The following GPD2 variants were observed in gnomAD, a reference collection of about 807,000 sequenced individuals.
GPD2 encodes the protein glycerol-3-phosphate dehydrogenase, mitochondrial.
In GPD2, 54 loss-of-function variants were observed where a neutral mutation model predicts 82.4. The ratio of observed to expected loss-of-function variants is 0.66; its 90% CI spans 0.53 to 0.82. The LOEUF (loss-of-function observed/expected upper bound fraction) is 0.82, where lower values mean the gene tolerates loss of function less well. Ranked by LOEUF, GPD2 falls within the 40% of genes least tolerant of loss-of-function variation. The pLI is 0.00. For synonymous variants in GPD2, 288 were observed against 306.1 expected (o/e 0.94, Z 0.62); for missense variants, 748 against 896.2 (o/e 0.83, Z 2.11).
chr2:156,535,863 A>C (rs980863640), intron 6 of GPD2, among the ~76,000 whole-genome samples: 3 of 152,200 alleles, frequency 2.0e-5, no homozygotes, highest in South Asian at 2.1e-4. Context: ...TGCCTGGTGC[A>C]TGCTAATTTT....
chr2:156,476,431 C>T (rs1355553033), intron 2 of GPD2, among the ~76,000 whole-genome samples: 1 of 152,132 alleles, frequency 6.6e-6, no homozygotes, highest in Non-Finnish European at 1.5e-5. Flanking sequence ...CATTATTTAG[C>T]CTGTGTTTTG....
At chr2:156,425,095 T>TTG in the GPD2 span, among the ~76,000 whole-genome samples, 47 of 151,658 alleles carry the variant, frequency 3.1e-4, no homozygotes, top group South Asian at 1.9e-3. Context: ...TTTTATTTTT[T>TTG]TTTTTGTTTT....
At chr2:156,536,762 C>A (rs3769357) in intron 6 of GPD2, among the ~76,000 whole-genome samples, 19,784 of 152,184 alleles carry the variant, frequency 0.13, 1,350 homozygotes, top group African/African-American at 0.15. Flanking sequence ...CCTGTCTCTG[C>A]TGACTAGGCA....
Position 156,549,889 on chromosome 2 carries a change from T to A in GPD2, c.826+117T>A, listed in dbSNP as rs769162255. The A allele has an allele frequency of 3.6e-6, 3 of 836,610 alleles. No individual in the cohort carries two copies. In the South Asian group the frequency reaches 4.4e-5, roughly 12 times the overall value. 51.8% of individuals were successfully genotyped at this position (836,610 alleles called of 1,614,324 possible). A position where few individuals can be genotyped will look rare whatever the true frequency, so the allele number is the denominator to read the frequency against. On this transcript the variant is annotated intron_variant, in intron 7 of 16. Transcript: ENST00000438166. Reference sequence around the variant, plus strand: ...ATTTATGCCACGCTTCAGAGTCATATTAATTATATTCGTTATTGTCAGCAA... The same window carrying A: ...ATTTATGCCACGCTTCAGAGTCATAATAATTATATTCGTTATTGTCAGCAA...
chr2:156,537,100 G>A (rs1016162625), intron 6 of GPD2, among the ~76,000 whole-genome samples: 1 of 152,222 alleles, frequency 6.6e-6, no homozygotes, highest in Non-Finnish European at 1.5e-5. Flanking sequence ...TCTACAGTGG[G>A]AGAGACTGCA....
chr2:156,458,187 GT>G (rs1174638527), intron 1 of GPD2, among the ~76,000 whole-genome samples: 2 of 152,206 alleles, frequency 1.3e-5, no homozygotes, highest in Admixed American at 6.5e-5. Flanking sequence ...GAGAGGGAAT[GT>G]TGGCCCCCAT....
intron 6 of GPD2, among the ~76,000 whole-genome samples, chr2:156,536,705 C>T (rs1200188693): frequency 3.9e-5 from 6 of 152,228 alleles, no homozygotes; most frequent in Admixed American, 3.9e-4. Flanking sequence ...AAGATCTAGC[C>T]TGTCTGATCA....
intron 2 of GPD2, among the ~76,000 whole-genome samples, chr2:156,478,168 C>T (rs1424328525): frequency 6.6e-6 from 1 of 152,054 alleles, no homozygotes; most frequent in African/African-American, 2.4e-5. Flanking sequence ...TGGCCCCAAG[C>T]AGTCAAGTTA....
In GPD2 at chr2:156,510,784, C is replaced by A. The variant is rs1444482690; in HGVS notation, c.275-12C>A. The A allele has an allele frequency of 6.2e-7, 1 of 1,609,794 alleles. No individual in the cohort carries two copies. The highest frequency in any genetic ancestry group is 1.1e-5 in the South Asian group (1 of 90,964). On this transcript the variant is annotated splice_polypyrimidine_tract_variant and intron_variant, in intron 3 of 16. Coordinates refer to ENST00000438166, the MANE Select transcript of GPD2 (RefSeq NM_000408.5). ...TAATTTAAGAAGTTAATTTGGTTTT[C>A]TGGTTACACAGGACTAAAAACAGCC...
intron 1 of GPD2, among the ~76,000 whole-genome samples, chr2:156,457,100 A>G (rs1021251986): frequency 3.3e-5 from 5 of 152,310 alleles, no homozygotes; most frequent in East Asian, 1.9e-4. Context: ...GACTGTTTCC[A>G]TGGCATTTTG....
the GPD2 span, among the ~76,000 whole-genome samples, chr2:156,413,279 G>A: frequency 9.9e-5 from 15 of 152,102 alleles, no homozygotes; most frequent in Middle Eastern, 3.4e-3. Flanking sequence ...CTTGGTGGGG[G>A]TGATACTGAA....
chr2:156,493,958 G>GTGTGTATA (rs60643688), intron 2 of GPD2, among the ~76,000 whole-genome samples: 36 of 143,518 alleles, frequency 2.5e-4, no homozygotes, highest in East Asian at 1.0e-3. Context: ...GTGTGTGTGT[G>GTGTGTATA]TATAATTTTT....
intron 3 of GPD2, among the ~76,000 whole-genome samples, chr2:156,507,966 T>C (rs1028518088): frequency 6.6e-6 from 1 of 152,170 alleles, no homozygotes; most frequent in Non-Finnish European, 1.5e-5. Context: ...CTCTGTAGAC[T>C]TTTCTTTCCT....
chr2:156,418,438 TA>T, the GPD2 span, among the ~76,000 whole-genome samples: 12 of 151,544 alleles, frequency 7.9e-5, no homozygotes, highest in South Asian at 4.2e-4. Flanking sequence ...ACATTAATAA[TA>T]AAAAAAAGGA....
chr2:156,416,839 T>C, the GPD2 span, among the ~76,000 whole-genome samples: 10 of 152,194 alleles, frequency 6.6e-5, no homozygotes, highest in South Asian at 1.7e-3. Flanking sequence ...ATAAGTGCTG[T>C]GGATAAAAAA....
intron 1 of GPD2, among the ~76,000 whole-genome samples, chr2:156,451,804 C>T (rs1364357659): frequency 1.7e-4 from 26 of 151,932 alleles, no homozygotes; most frequent in Non-Finnish European, 3.2e-4. Context: ...TCCTCACTTC[C>T]CAGACGGGGT....
intron 9 of GPD2, among the ~76,000 whole-genome samples, chr2:156,567,925 A>C (rs147948239): frequency 1.9e-3 from 285 of 152,274 alleles, no homozygotes; most frequent in African/African-American, 6.0e-3. Flanking sequence ...TTTTCATGGC[A>C]TCTTGAGTAT....
At chr2:156,482,508 G>T (rs1485084729) in intron 2 of GPD2, among the ~76,000 whole-genome samples, 4 of 152,066 alleles carry the variant, frequency 2.6e-5, no homozygotes, top group Non-Finnish European at 1.5e-5. Context: ...TTGGAATTCT[G>T]TGGTGAAACA....
chr2:156,453,870 C>CT (rs778795861), intron 1 of GPD2, among the ~76,000 whole-genome samples: 8 of 152,004 alleles, frequency 5.3e-5, no homozygotes, highest in Non-Finnish European at 7.4e-5. Flanking sequence ...GAGTGAGACT[C>CT]TGTCTCAAAA....
Sources: allele counts gnomAD v4.1 joint callset (sites outside exome capture counted in the v4.1 genomes callset), GRCh38; gene constraint gnomAD v4.1.1; transcripts MANE v1.5; gene names NCBI Gene and HGNC (gene_info 2026-07-23, HGNC 2026-07-21).